The following ADGRB3 variants were observed in gnomAD, a reference collection of about 807,000 sequenced individuals.
ADGRB3 encodes the protein adhesion G protein-coupled receptor B3, also known as brain-specific angiogenesis inhibitor 3.
Under a neutral mutation model 193.4 loss-of-function variants are expected in ADGRB3, and 37 were observed. The observed-to-expected ratio is 0.19, with a 90% CI of 0.15 to 0.25. ADGRB3 has a LOEUF of 0.25. ADGRB3 is among the 10% of genes least tolerant of loss of function. ADGRB3 has a pLI of 1.00. For missense variants in ADGRB3, 1,637 were observed against 1,852.9 expected (o/e 0.88, Z 2.14); for synonymous variants, 690 against 644.2 (o/e 1.07, Z -1.08).
intron 11 of ADGRB3, among the ~76,000 whole-genome samples, chr6:69,005,804 C>T (rs190294729): frequency 2.8e-4 from 42 of 152,248 alleles, no homozygotes; most frequent in Admixed American, 5.2e-4. Flanking sequence ...CTTCAGATGT[C>T]GCCCTATCTT....
chr6:69,276,616 A>G (rs1305082742), intron 20 of ADGRB3, among the ~76,000 whole-genome samples: 1 of 152,106 alleles, frequency 6.6e-6, no homozygotes, highest in Non-Finnish European at 1.5e-5. Flanking sequence ...CGGGCTCAGG[A>G]AAGGGCTTTC....
chr6:68,747,083 A>C (rs2127345201), intron 3 of ADGRB3, among the ~76,000 whole-genome samples: 1 of 152,326 alleles, frequency 6.6e-6, no homozygotes, highest in East Asian at 1.9e-4. Context: ...CTAGGAAATA[A>C]AATTACCTTC....
chr6:69,328,570 T>C (rs1188618487), intron 22 of ADGRB3, among the ~76,000 whole-genome samples: 2 of 152,164 alleles, frequency 1.3e-5, no homozygotes, highest in Non-Finnish European at 2.9e-5. Flanking sequence ...ATGTGCATCT[T>C]ATTAAAAGCA....
intron 6 of ADGRB3, among the ~76,000 whole-genome samples, chr6:68,944,464 A>G (rs1302250930): frequency 6.6e-6 from 1 of 152,196 alleles, no homozygotes; most frequent in East Asian, 1.9e-4. Context: ...TGCTGGATGC[A>G]TAAAATGGCT....
chr6:69,148,312 T>G (rs928065785), intron 17 of ADGRB3, among the ~76,000 whole-genome samples: 2 of 152,288 alleles, frequency 1.3e-5, no homozygotes, highest in Non-Finnish European at 2.9e-5. Context: ...GTTTTTTAAT[T>G]TGAGGTTAAC....
intron 17 of ADGRB3, among the ~76,000 whole-genome samples, chr6:69,097,518 C>T (rs1772917033): frequency 6.6e-6 from 1 of 152,078 alleles, no homozygotes; most frequent in Admixed American, 6.5e-5. Context: ...CAATTTGTCT[C>T]AATAGATTCT....
intron 11 of ADGRB3, among the ~76,000 whole-genome samples, chr6:68,996,153 G>A (rs1406921914): frequency 2.6e-5 from 4 of 152,080 alleles, no homozygotes; most frequent in African/African-American, 9.7e-5. Context: ...AATAGAATTA[G>A]TAGTCCCTAG....
chr6:69,219,521 G>T (rs540592681), intron 17 of ADGRB3, among the ~76,000 whole-genome samples: 19 of 142,990 alleles, frequency 1.3e-4, no homozygotes, highest in Admixed American at 1.3e-3. Context: ...GTATATATGT[G>T]TGTGTACATA....
intron 20 of ADGRB3, among the ~76,000 whole-genome samples, chr6:69,306,567 A>G (rs971557946): frequency 6.6e-6 from 1 of 151,512 alleles, no homozygotes; most frequent in African/African-American, 2.4e-5. Context: ...TAAATACTGC[A>G]ATACAAAGAT....
chr6:69,003,457 A>C (rs1442010329), intron 11 of ADGRB3, among the ~76,000 whole-genome samples: 1 of 152,196 alleles, frequency 6.6e-6, no homozygotes, highest in Non-Finnish European at 1.5e-5. Flanking sequence ...TTGTAGTTAG[A>C]GAGCAAGGGG....
chr6:68,988,700 G>A (rs3798993), intron 10 of ADGRB3, among the ~76,000 whole-genome samples: 85,652 of 151,866 alleles, frequency 0.56, 24,468 homozygotes, highest in East Asian at 0.68. Context: ...CTTGGCTGCT[G>A]GAAGCTGAGG....
At chr6:69,360,511 T>C (rs1769428282) in intron 28 of ADGRB3, among the ~76,000 whole-genome samples, 5 of 151,940 alleles carry the variant, frequency 3.3e-5, no homozygotes, top group Non-Finnish European at 7.4e-5. Context: ...TTTACAAAAA[T>C]CCTTTGGAGC....
intron 13 of ADGRB3, among the ~76,000 whole-genome samples, chr6:69,046,995 C>T (rs1367220050): frequency 6.6e-6 from 1 of 152,032 alleles, no homozygotes; most frequent in African/African-American, 2.4e-5. Context: ...GTAGCTGGGA[C>T]TACAGATGCC....
At chr6:69,194,272 A>C (rs1765254279) in intron 17 of ADGRB3, among the ~76,000 whole-genome samples, 1 of 152,102 alleles carries the variant, frequency 6.6e-6, no homozygotes, top group Non-Finnish European at 1.5e-5. Context: ...GTGGGGTTTC[A>C]CTTAACTGTC....
intron 17 of ADGRB3, among the ~76,000 whole-genome samples, chr6:69,144,875 T>TTTCTTTCTTTCTTTC (rs1774438006): frequency 2.6e-5 from 1 of 39,044 alleles, no homozygotes; most frequent in Non-Finnish European, 6.2e-5. Flanking sequence ...TTTGTTTGAG[T>TTTCTTTCTTTCTTTC]GTTCTTTCTT....
At chr6:69,170,204 G>A (rs1029821895) in intron 17 of ADGRB3, among the ~76,000 whole-genome samples, 2 of 152,054 alleles carry the variant, frequency 1.3e-5, no homozygotes, top group Non-Finnish European at 2.9e-5. Context: ...TTTATAATAA[G>A]GCCAAGTCTG....
chr6:68,787,090 A>T (rs549222028), intron 3 of ADGRB3, among the ~76,000 whole-genome samples: 1 of 152,244 alleles, frequency 6.6e-6, no homozygotes, highest in East Asian at 1.9e-4. Context: ...ACAATCATGT[A>T]ATCTGCAAAC....
At chr6:69,248,296 C>T (rs575601039) in intron 20 of ADGRB3, among the ~76,000 whole-genome samples, 4 of 152,114 alleles carry the variant, frequency 2.6e-5, no homozygotes, top group African/African-American at 9.6e-5. Flanking sequence ...TACTGAAGTA[C>T]TAGATAAACA....
chr6:69,066,254 G>T (rs914001316), intron 16 of ADGRB3, among the ~76,000 whole-genome samples: 3 of 150,658 alleles, frequency 2.0e-5, no homozygotes, highest in African/African-American at 7.3e-5. Context: ...AATTTTTTTA[G>T]AAATGACACA....
Sources: allele counts gnomAD v4.1 joint callset (sites outside exome capture counted in the v4.1 genomes callset), GRCh38; gene constraint gnomAD v4.1.1; transcripts MANE v1.5; gene names NCBI Gene and HGNC (gene_info 2026-07-23, HGNC 2026-07-21).